The following FAM98B variants were observed in gnomAD, a reference collection of about 807,000 sequenced individuals.
The protein encoded by FAM98B is tRNA-splicing ligase complex subunit FAM98B.
Under a neutral mutation model 43.9 loss-of-function variants are expected in FAM98B, and 32 were observed. That is an observed-to-expected ratio of 0.73 (90% CI 0.55 to 0.98). FAM98B has a LOEUF of 0.98. Ranked by LOEUF, FAM98B falls within the 50% of genes least tolerant of loss-of-function variation. The pLI is 0.00. For missense variants in FAM98B, 514 were observed against 522.9 expected (o/e 0.98, Z 0.17); for synonymous variants, 190 against 174.0 (o/e 1.09, Z -0.72).
At chr15:38,466,747 G>A (rs1348384122) in intron 3 of FAM98B, among the ~76,000 whole-genome samples, 1 of 152,076 alleles carries the variant, frequency 6.6e-6, no homozygotes, top group Non-Finnish European at 1.5e-5. Flanking sequence ...AATTTTATAT[G>A]TGCAAAAATT....
chr15:38,457,190 A>G (rs1458509994), intron 1 of FAM98B, among the ~76,000 whole-genome samples: 1 of 152,176 alleles, frequency 6.6e-6, no homozygotes, highest in South Asian at 2.1e-4. Flanking sequence ...CTTTATTTTA[A>G]AAAATTTTTT....
chr15:38,484,470 AG>A lies in FAM98B; in HGVS notation c.1118del (p.Gly373GlufsTer67). Reference protein sequence around the residue: ...GGGGWGGGGGGGGGWGGGGGG... With the variant: ...GGGGWGGGGGXGGGWGGGGGG... ...GAGGAGGTTGGGGAGGTGGTGGGGG[AG>A]GGGGAGGAGGGTGGGGGGGAGGAGG... is the stretch of plus-strand genomic sequence containing the variant. On this transcript the variant is annotated frameshift_variant, in exon 8 of 8. Transcript: ENST00000397609. LOFTEE classifies it low-confidence loss of function (END_TRUNC). 3.0e-5 allele frequency: 5 copies of A among 168,250 alleles called. No individual in the cohort carries two copies. Among genetic ancestry groups the A allele is most frequent in the Non-Finnish European group, 2.8e-5 (4 of 142,760 alleles). 10.4% of individuals were successfully genotyped at this position (168,250 alleles called of 1,614,324 possible).
chr15:38,467,416 A>T (rs918294999), intron 3 of FAM98B, among the ~76,000 whole-genome samples: 8 of 151,960 alleles, frequency 5.3e-5, no homozygotes, highest in Non-Finnish European at 1.0e-4. Flanking sequence ...TCTACAGAAA[A>T]TTTTTTTTTA....
At chr15:38,468,865 G>A (rs753601761) in intron 3 of FAM98B, among the ~76,000 whole-genome samples, 25 of 152,254 alleles carry the variant, frequency 1.6e-4, no homozygotes, top group South Asian at 8.3e-4. Flanking sequence ...TTAAATTGTG[G>A]CGTTTGTGTC....
At chr15:38,470,651 GA>G (rs1890117307) in intron 4 of FAM98B, 2 of 290,284 alleles carry the variant, frequency 6.9e-6, no homozygotes, top group Non-Finnish European at 1.3e-5. Flanking sequence ...TACCATGATA[GA>G]AATCACTTAG....
At chr15:38,474,416 C>A in intron 6 of FAM98B, 118 bp downstream of exon 6, 1 of 604,222 alleles carries the variant, frequency 1.7e-6, no homozygotes. Context: ...CAACTACATG[C>A]CCAGGCCAAC....
chr15:38,477,133 TAAAAC>T (rs1314774383), intron 6 of FAM98B, among the ~76,000 whole-genome samples: 4 of 151,442 alleles, frequency 2.6e-5, no homozygotes, highest in Admixed American at 1.3e-4. Flanking sequence ...CACAGTCTCT[TAAAAC>T]AAAAAGAAAA....
chr15:38,456,080 A>T (rs1483884845), intron 1 of FAM98B, among the ~76,000 whole-genome samples: 1 of 152,238 alleles, frequency 6.6e-6, no homozygotes, highest in East Asian at 1.9e-4. Flanking sequence ...CAGCAAAGGT[A>T]CTTCAGTTTG....
intron 2 of FAM98B, 84 bp downstream of exon 2, chr15:38,464,261 A>G (rs1889994654): frequency 1.5e-6 from 2 of 1,314,208 alleles, no homozygotes; most frequent in South Asian, 4.2e-5. Flanking sequence ...TAATGTGCCC[A>G]CTGTACAAAG....
At chr15:38,468,619 G>T (rs1890076212) in intron 3 of FAM98B, among the ~76,000 whole-genome samples, 1 of 152,054 alleles carries the variant, frequency 6.6e-6, no homozygotes, top group South Asian at 2.1e-4. Context: ...TAATATTTTG[G>T]TACTTGACTC....
chr15:38,485,453 A>G lies in FAM98B; in HGVS notation c.*794A>G, dbSNP rs1890355117. The G allele has an allele frequency of 6.6e-6, 1 of 152,242 alleles. No homozygotes were observed. The highest frequency in any genetic ancestry group is 6.5e-5 in the Admixed American group (1 of 15,280). 9.4% of individuals were successfully genotyped at this position (152,242 alleles called of 1,614,324 possible). On this transcript the variant is annotated 3_prime_UTR_variant, in exon 8 of 8. Coordinates refer to ENST00000397609, the MANE Select transcript of FAM98B (RefSeq NM_173611.4). Reference sequence around the variant, plus strand: ...CTCTCACTTTAGATATCCAAATATTAAAAGGCAGGCTGACCTGTATCACAC... The same window carrying G: ...CTCTCACTTTAGATATCCAAATATTGAAAGGCAGGCTGACCTGTATCACAC...
At position 38,484,550 on chromosome 15, in the gene FAM98B, G is replaced by T. The variant is rs749410691; in HGVS notation, c.1193G>T (p.Gly398Val). 7.2e-7 allele frequency: 1 copy of T among 1,392,004 alleles called. No homozygotes were observed. Among genetic ancestry groups the T allele is most frequent in the South Asian group, 1.4e-5 (1 of 72,444 alleles). The allele number at this position is 1,392,004 out of a possible 1,614,324, so 86.2% of individuals were successfully genotyped here. Residue 398 changes from glycine (G) to valine (V), a missense_variant, in exon 8 of 8, where the codon GGT (glycine) becomes GTT (valine). Physicochemically the swap from Gly to Val is moderately radical, Grantham distance 109. Transcript: ENST00000397609. ...AGGGGAGATTATGGTGGAAGAGGGG[G>T]TTATGGTGGAAGAGGGGGCTATGGT... ...QGRGDYGGRG[G>V]YGGRGGYGGR...
intron 1 of FAM98B, among the ~76,000 whole-genome samples, chr15:38,460,555 A>T (rs1366830158): frequency 2.6e-5 from 4 of 152,224 alleles, no homozygotes; most frequent in Non-Finnish European, 5.9e-5. Context: ...TCTTTATTTT[A>T]ACAAGACCCT....
Position 38,481,402 on chromosome 15 carries a change from G to A in FAM98B, c.840G>A (p.Lys280=). The part of the protein sequence containing the change: ...HLLAAREDLS[K]IIRTSSGTSR... ...TTGCTGCTCGTGAAGATCTATCCAA[G>A]ATCATTAGGACAAGTAGTGGCACCA... The change falls in exon 7 of 8, where the codon AAG becomes AAA. Residue 280 remains lysine (K), a synonymous_variant. Transcript: ENST00000397609. The A allele has an allele frequency of 6.2e-7, 1 of 1,614,134 alleles. No individual in the cohort carries two copies.
intron 7 of FAM98B, 73 bp from the exon 8 acceptor site, chr15:38,484,182 C>T (rs1477299212): frequency 7.2e-7 from 1 of 1,388,756 alleles, no homozygotes; most frequent in African/African-American, 1.5e-5. Context: ...TTATTAGAAA[C>T]AACATCACTT....
chr15:38,461,764 A>G (rs1342171096), intron 1 of FAM98B, among the ~76,000 whole-genome samples: 2 of 152,162 alleles, frequency 1.3e-5, no homozygotes, highest in African/African-American at 4.8e-5. Flanking sequence ...AGAAATGTAG[A>G]TAAAACTATA....
intron 1 of FAM98B, chr15:38,458,955 G>C (rs945937776): frequency 2.5e-6 from 1 of 405,304 alleles, no homozygotes; most frequent in South Asian, 2.1e-5. Flanking sequence ...AGGCGGCTGA[G>C]GTTCCTGACT....
chr15:38,461,117 GT>G (rs1889939642), intron 1 of FAM98B, among the ~76,000 whole-genome samples: 1 of 151,826 alleles, frequency 6.6e-6, no homozygotes, highest in Non-Finnish European at 1.5e-5. Flanking sequence ...GTTCTTGTTG[GT>G]TTTTATTATT....
rs535669673 is a variant in FAM98B at position 38,484,939 on chromosome 15, T to C, written c.*280T>C. On this transcript the variant is annotated 3_prime_UTR_variant, in exon 8 of 8. Transcript: ENST00000397609. ...CAAAAATTATTTTTTAAAATGTAAA[T>C]ATTTATTACCATCAGACTTGGAAAA... The C allele has an allele frequency of 2.1e-4, 70 of 329,376 alleles. No individual in the cohort carries two copies. The highest frequency in any genetic ancestry group is 1.4e-3 in the African/African-American group (66 of 46,126). 20.4% of individuals were successfully genotyped at this position (329,376 alleles called of 1,614,324 possible).
Sources: allele counts gnomAD v4.1 joint callset (sites outside exome capture counted in the v4.1 genomes callset), GRCh38; gene constraint gnomAD v4.1.1; transcripts MANE v1.5; gene names NCBI Gene and HGNC (gene_info 2026-07-23, HGNC 2026-07-21).